Variants in SH3PXD2B observed in about 807,000 individuals in gnomAD.
SH3PXD2B encodes the protein SH3 and PX domains 2B.
Under a neutral mutation model 73.1 loss-of-function variants are expected in SH3PXD2B, and 37 were observed. The ratio of observed to expected loss-of-function variants is 0.51; its 90% CI spans 0.39 to 0.67. The LOEUF is 0.67. Among genes scored for constraint, SH3PXD2B ranks in the 30% least tolerant of loss-of-function variants. The pLI is 0.00. For missense variants in SH3PXD2B, 1,053 were observed against 1,197.8 expected, an observed-to-expected ratio of 0.88 and a Z score of 1.78; for synonymous variants, 457 against 480.5, an observed-to-expected ratio of 0.95 and a Z score of 0.64.
chr5:172,329,540 C>CTT (rs370876232), downstream of SH3PXD2B, among the ~76,000 whole-genome samples: 18 of 106,444 alleles, frequency 1.7e-4, no homozygotes, highest in African/African-American at 5.4e-4. Flanking sequence ...CTTTGTTATT[C>CTT]TTTTTTTTTT....
At chr5:172,345,176 A>C (rs796512351) in intron 12 of SH3PXD2B, among the ~76,000 whole-genome samples, 26 of 150,990 alleles carry the variant, frequency 1.7e-4, no homozygotes, top group African/African-American at 5.6e-4. Flanking sequence ...CCTTCCTGGA[A>C]TATAGCCAGG....
chr5:172,444,948 G>A (rs1018986907), intron 1 of SH3PXD2B, among the ~76,000 whole-genome samples: 1 of 152,128 alleles, frequency 6.6e-6, no homozygotes, highest in Non-Finnish European at 1.5e-5. Flanking sequence ...AGGTCCTTCT[G>A]GCCCCTCTAC....
intron 5 of SH3PXD2B, among the ~76,000 whole-genome samples, chr5:172,376,927 C>G (rs1456351200): frequency 6.6e-6 from 1 of 152,246 alleles, no homozygotes; most frequent in Non-Finnish European, 1.5e-5. Flanking sequence ...CCACCTGGAC[C>G]ATCCAGTGAC....
intron 5 of SH3PXD2B, among the ~76,000 whole-genome samples, chr5:172,376,284 C>G (rs1225644071): frequency 1.3e-5 from 2 of 152,136 alleles, no homozygotes; most frequent in African/African-American, 4.8e-5. Context: ...CCGCTTTGGC[C>G]TCTCAAACTG....
chr5:172,413,341 T>TG (rs1758745578), intron 2 of SH3PXD2B, among the ~76,000 whole-genome samples: 1 of 152,224 alleles, frequency 6.6e-6, no homozygotes, highest in Non-Finnish European at 1.5e-5. Context: ...GGTGTCCTGA[T>TG]GGACGTGCTG....
intron 3 of SH3PXD2B, among the ~76,000 whole-genome samples, chr5:172,395,385 G>C (rs558299855): frequency 1.3e-5 from 2 of 152,222 alleles, no homozygotes; most frequent in Non-Finnish European, 2.9e-5. Flanking sequence ...GTTCGTAAGA[G>C]AAGGGTTTTG....
chr5:172,368,300 T>C (rs1757570968), intron 6 of SH3PXD2B, among the ~76,000 whole-genome samples: 1 of 150,814 alleles, frequency 6.6e-6, no homozygotes, highest in Non-Finnish European at 1.5e-5. Context: ...CTGTCATAGG[T>C]TCTGTATATT....
intron 1 of SH3PXD2B, among the ~76,000 whole-genome samples, chr5:172,424,597 G>A (rs1437967022): frequency 6.6e-5 from 10 of 152,194 alleles, no homozygotes; most frequent in African/African-American, 2.4e-4. Context: ...AAAAATGTTA[G>A]GATAAATCAG....
chr5:172,391,857 AC>A (rs375858278), intron 4 of SH3PXD2B, among the ~76,000 whole-genome samples: 12 of 152,322 alleles, frequency 7.9e-5, no homozygotes, highest in African/African-American at 2.9e-4. Context: ...TTAAAGGCTC[AC>A]ACTTTTGGAG....
intron 1 of SH3PXD2B, among the ~76,000 whole-genome samples, chr5:172,434,789 T>TTTTTTTGTTTTTTTTTG (rs1554087278): frequency 2.0e-5 from 3 of 150,614 alleles, no homozygotes; most frequent in African/African-American, 7.5e-5. Flanking sequence ...ATGGTTTTTT[T>TTTTTTTGTTTTTTTTTG]TTTTTTTTTT....
intron 1 of SH3PXD2B, among the ~76,000 whole-genome samples, chr5:172,444,877 G>C (rs1759628810): frequency 6.6e-6 from 1 of 152,144 alleles, no homozygotes; most frequent in Non-Finnish European, 1.5e-5. Context: ...TGGAGCTATG[G>C]CCTTCCTGGG....
downstream of SH3PXD2B, among the ~76,000 whole-genome samples, chr5:172,333,179 C>T (rs1344778772): frequency 2.0e-5 from 3 of 152,058 alleles, no homozygotes; most frequent in Non-Finnish European, 2.9e-5. Flanking sequence ...AGGTGATCGG[C>T]CCGCCTCGGC....
chr5:172,348,342 T>A (rs531171802), intron 10 of SH3PXD2B, among the ~76,000 whole-genome samples: 18 of 152,044 alleles, frequency 1.2e-4, no homozygotes, highest in African/African-American at 4.1e-4. Flanking sequence ...TTTTTTTTTT[T>A]AAATGGAGTT....
chr5:172,395,371 T>C (rs1378229924), intron 3 of SH3PXD2B, among the ~76,000 whole-genome samples: 1 of 152,222 alleles, frequency 6.6e-6, no homozygotes, highest in African/African-American at 2.4e-5. Flanking sequence ...CTTCCCCAGT[T>C]AGTGTTCGTA....
chr5:172,383,972 T>C (rs1252790212), intron 4 of SH3PXD2B, among the ~76,000 whole-genome samples: 1 of 151,790 alleles, frequency 6.6e-6, no homozygotes, highest in Non-Finnish European at 1.5e-5. Flanking sequence ...TCAGCCTCCC[T>C]AGTAGCTGGG....
At chr5:172,362,981 C>T (rs745372984) in intron 6 of SH3PXD2B, 112 bp from the exon 7 acceptor site, 5 of 1,375,662 alleles carry the variant, frequency 3.6e-6, no homozygotes, top group Non-Finnish European at 5.1e-6. Context: ...GCAGCAGTTA[C>T]AGGACTCATC....
chr5:172,454,440 GA>G lies in SH3PXD2B; in HGVS notation c.-89del, dbSNP rs1277965261. The G allele has an allele frequency of 6.6e-5, 54 of 816,570 alleles. No individual in the cohort carries two copies. Among genetic ancestry groups the G allele is most frequent in the Non-Finnish European group, 8.0e-5 (51 of 641,340 alleles). 50.6% of individuals were successfully genotyped at this position (816,570 alleles called of 1,614,324 possible). On this transcript the variant is annotated 5_prime_UTR_variant, in exon 1 of 13. Transcript: ENST00000311601. ...CTGGGGGCGCGCCGCCGCGGGCAGGGAACCTGGAGCTGAGCGCAATCGCAGC... is the reference window on the plus strand; with the variant it reads ...CTGGGGGCGCGCCGCCGCGGGCAGGGACCTGGAGCTGAGCGCAATCGCAGC...
In SH3PXD2B at chr5:172,371,184, G is replaced by T. The variant is rs374167368; in HGVS notation, c.427+2606C>A. Among the ~76,000 whole-genome samples the T allele has an allele frequency of 1.1e-4, 16 of 152,186 alleles. No individual in the cohort carries two copies. In the East Asian group the frequency reaches 2.1e-3, roughly 20 times the overall value. ...GAATTTTTAAGATGAAGGGTAAAGG[G>T]GATTTTCCTTCCAAAAATTCACTAT... On this transcript the variant is annotated intron_variant, in intron 6 of 12. Coordinates refer to ENST00000311601, the MANE Select transcript of SH3PXD2B (RefSeq NM_001017995.3).
intron 1 of SH3PXD2B, among the ~76,000 whole-genome samples, chr5:172,430,781 TA>T (rs1759217772): frequency 6.6e-6 from 1 of 152,192 alleles, no homozygotes; most frequent in South Asian, 2.1e-4. Context: ...CCACTTTTCT[TA>T]AACTTGACCA....
Sources: allele counts gnomAD v4.1 joint callset (sites outside exome capture counted in the v4.1 genomes callset), GRCh38; gene constraint gnomAD v4.1.1; transcripts MANE v1.5; gene names NCBI Gene and HGNC (gene_info 2026-07-23, HGNC 2026-07-21).